DMD: variants seen among roughly 807,000 people sequenced by gnomAD.
The protein encoded by DMD is dystrophin, also known as mutant dystrophin.
A neutral mutation model predicts 330.1 loss-of-function variants in DMD; 63 were observed. The ratio of observed to expected loss-of-function variants is 0.19; its 90% confidence interval spans 0.16 to 0.24. The LOEUF (loss-of-function observed/expected upper bound fraction) is 0.24. Among genes scored for constraint, DMD ranks in the 10% least tolerant of loss-of-function variants. The pLI is 1.00. For synonymous variants in DMD, 1,223 were observed against 959.8 expected, an observed-to-expected ratio of 1.27 and a Z score of -5.07; for missense variants, 3,344 against 2,684.1, an observed-to-expected ratio of 1.25 and a Z score of -5.43.
chrX:32,688,482 G>A (rs2063044276), intron 9 of DMD, among the ~76,000 whole-genome samples: 1 of 111,842 alleles, frequency 8.9e-6, no homozygotes, highest in Non-Finnish European at 1.9e-5. Flanking sequence ...GTTGATCCAC[G>A]TTGTTGTAAA....
At chrX:32,713,734 TAC>T (rs930116087) in intron 7 of DMD, among the ~76,000 whole-genome samples, 4 of 111,894 alleles carry the variant, frequency 3.6e-5, no homozygotes, top group African/African-American at 1.3e-4. Flanking sequence ...CAAATATAGA[TAC>T]ACAGAGAGTC....
chrX:32,685,245 G>A (rs1056376657), intron 9 of DMD, among the ~76,000 whole-genome samples: 1 of 111,115 alleles, frequency 9.0e-6, no homozygotes, highest in South Asian at 3.7e-4. Context: ...AGTAGAAGTA[G>A]AAGAATCCAC....
At chrX:32,364,926 G>T in intron 35 of DMD, 94 bp downstream of exon 35, 2 of 1,011,552 alleles carry the variant, frequency 2.0e-6, no homozygotes, top group Non-Finnish European at 2.8e-6. Context: ...ACGTAGAATT[G>T]AGAAATTTTC....
At chrX:33,335,459 C>G (rs1327562266) in intron 1 of DMD, among the ~76,000 whole-genome samples, 5 of 110,601 alleles carry the variant, frequency 4.5e-5, no homozygotes, top group Non-Finnish European at 5.7e-5. Context: ...TTAATTATTA[C>G]TAAGCTTTAA....
chrX:31,191,306 A>G (rs1366822599), intron 67 of DMD, among the ~76,000 whole-genome samples: 1 of 111,916 alleles, frequency 8.9e-6, no homozygotes, highest in African/African-American at 3.3e-5. Flanking sequence ...CATAAATAGA[A>G]TTCCTAAACA....
chrX:32,685,224 T>C (rs1310082983), intron 9 of DMD, among the ~76,000 whole-genome samples: 1 of 111,308 alleles, frequency 9.0e-6, no homozygotes, highest in Non-Finnish European at 1.9e-5. Flanking sequence ...CACCTGAAAT[T>C]TAAATTATAA....
intron 6 of DMD, among the ~76,000 whole-genome samples, chrX:32,814,313 T>G (rs1166104776): frequency 8.9e-6 from 1 of 112,367 alleles, no homozygotes; most frequent in Non-Finnish European, 1.9e-5. Context: ...TGAAGGGTAT[T>G]GTAGTGGACT....
At chrX:31,243,281 T>C (rs932548722) in intron 63 of DMD, among the ~76,000 whole-genome samples, 2 of 112,131 alleles carry the variant, frequency 1.8e-5, no homozygotes, top group Non-Finnish European at 3.8e-5. Flanking sequence ...GCTCTGCATA[T>C]ATTTAAAAAA....
chrX:32,199,780 TTGTGTGTGTGTGTGTGTG>T (rs35897988), intron 44 of DMD, among the ~76,000 whole-genome samples: 6 of 84,140 alleles, frequency 7.1e-5, no homozygotes, highest in South Asian at 6.6e-4. Flanking sequence ...CGCAAGGCTT[TTGTGTGTGTGTGTGTGTG>T]TGTGTGTGTG....
At chrX:32,694,127 C>A (rs1257367501) in intron 9 of DMD, among the ~76,000 whole-genome samples, 1 of 111,627 alleles carries the variant, frequency 9.0e-6, no homozygotes, top group East Asian at 2.8e-4. Flanking sequence ...CAGAATGCCA[C>A]ATCTATCTTC....
At chrX:31,177,668 A>G (rs775071602) in intron 71 of DMD, among the ~76,000 whole-genome samples, 1 of 110,845 alleles carries the variant, frequency 9.0e-6, no homozygotes, top group Non-Finnish European at 1.9e-5. Flanking sequence ...TATAATTTGA[A>G]TTCAAGCCAG....
At chrX:32,997,807 T>C (rs2093164684) in intron 2 of DMD, among the ~76,000 whole-genome samples, 1 of 111,681 alleles carries the variant, frequency 9.0e-6, no homozygotes, top group Non-Finnish European at 1.9e-5. Flanking sequence ...CAGAGGAATC[T>C]ACATAATAAA....
chrX:31,222,970 TA>T, intron 64 of DMD, 76 bp downstream of exon 64: 2 of 933,428 alleles, frequency 2.1e-6, no homozygotes, highest in Non-Finnish European at 3.1e-6. Flanking sequence ...CCTCTCTAAG[TA>T]AAAATGTACC....
intron 60 of DMD, among the ~76,000 whole-genome samples, chrX:31,385,028 G>A (rs201041883): frequency 4.5e-5 from 5 of 112,107 alleles, no homozygotes; most frequent in Non-Finnish European, 1.9e-5. Flanking sequence ...AAGAAAAAGC[G>A]GCTGATAAAA....
chrX:33,197,061 A>C (rs1483558862), intron 1 of DMD, among the ~76,000 whole-genome samples: 1 of 111,329 alleles, frequency 9.0e-6, no homozygotes. Flanking sequence ...TCAGTGATGC[A>C]CGTTCCCATA....
At chrX:33,264,166 G>A (rs1407324665) in intron 1 of DMD, among the ~76,000 whole-genome samples, 10 of 111,114 alleles carry the variant, frequency 9.0e-5, no homozygotes, top group South Asian at 3.7e-4. Flanking sequence ...AAATATACAC[G>A]CCTTTTCTAA....
At chrX:32,440,808 C>T (rs1300242800) in intron 28 of DMD, among the ~76,000 whole-genome samples, 1 of 111,507 alleles carries the variant, frequency 9.0e-6, no homozygotes, top group Non-Finnish European at 1.9e-5. Flanking sequence ...CAATTCAATA[C>T]GTGCAGCTTT....
intron 44 of DMD, among the ~76,000 whole-genome samples, chrX:32,090,299 A>G (rs2096466237): frequency 8.9e-6 from 1 of 111,932 alleles, no homozygotes; most frequent in Non-Finnish European, 1.9e-5. Flanking sequence ...AAAAACAAAC[A>G]GGAAAAGTGA....
intron 37 of DMD, among the ~76,000 whole-genome samples, chrX:32,349,024 C>T (rs1277615579): frequency 9.9e-5 from 11 of 111,483 alleles, no homozygotes; most frequent in African/African-American, 3.6e-4. Context: ...GCACAATTGA[C>T]AGGCATGCTC....
Sources: allele counts gnomAD v4.1 joint callset (sites outside exome capture counted in the v4.1 genomes callset), GRCh38; gene constraint gnomAD v4.1.1; transcripts MANE v1.5; gene names NCBI Gene and HGNC (gene_info 2026-07-23, HGNC 2026-07-21).